PKP2: variants seen among roughly 807,000 people sequenced by gnomAD.
The protein encoded by PKP2 is plakophilin 2.
A neutral mutation model predicts 83.4 loss-of-function variants in PKP2; 73 were observed. The observed-to-expected ratio is 0.88, with a 90% CI of 0.72 to 1.06. The LOEUF is 1.06. Ranked by LOEUF, PKP2 falls within the 50% of genes least tolerant of loss-of-function variation. The probability of loss-of-function intolerance (pLI) is 0.00; values close to 1 mark genes in which losing one functional copy is unlikely to be tolerated. For synonymous variants in PKP2, 409 were observed against 430.4 expected, an observed-to-expected ratio of 0.95 and a Z score of 0.62; for missense variants, 966 against 1,065.4, an observed-to-expected ratio of 0.91 and a Z score of 1.30.
intron 11 of PKP2, among the ~76,000 whole-genome samples, chr12:32,793,949 C>A (rs1187853724): frequency 1.3e-5 from 2 of 152,116 alleles, no homozygotes; most frequent in Non-Finnish European, 2.9e-5. Flanking sequence ...TAGATCAGTG[C>A]CGCCTTAGAT....
At chr12:32,824,513 A>G (rs1956414986) in intron 6 of PKP2, 1 of 279,990 alleles carries the variant, frequency 3.6e-6, no homozygotes, top group South Asian at 3.9e-5. Context: ...ACATTATAAT[A>G]TACTGGATGC....
intron 9 of PKP2, among the ~76,000 whole-genome samples, chr12:32,818,799 A>G (rs1956344401): frequency 6.6e-6 from 1 of 152,168 alleles, no homozygotes; most frequent in Admixed American, 6.5e-5. Flanking sequence ...CACATGGCCA[A>G]TGGACTTGAT....
chr12:32,790,854 T>A lies in PKP2; in HGVS notation c.*1570A>T, dbSNP rs961022087. The A allele has an allele frequency of 6.6e-6, 1 of 152,184 alleles. No individual in the cohort carries two copies. The highest frequency in any genetic ancestry group is 2.4e-5 in the African/African-American group (1 of 41,450). 9.4% of individuals were successfully genotyped at this position (152,184 alleles called of 1,614,324 possible). On this transcript the variant is annotated 3_prime_UTR_variant, in exon 13 of 13. Coordinates refer to ENST00000340811, the MANE Select transcript of PKP2 (RefSeq NM_001005242.3). Reference sequence around the variant, plus strand: ...TCTGGAGGAATAAATGCACTCCAAATGCTTATCATCAGAACTCTGGAAAAA... The same window carrying A: ...TCTGGAGGAATAAATGCACTCCAAAAGCTTATCATCAGAACTCTGGAAAAA...
chr12:32,867,251 C>T (rs1026759743), intron 4 of PKP2, among the ~76,000 whole-genome samples: 2 of 152,120 alleles, frequency 1.3e-5, no homozygotes, highest in South Asian at 4.1e-4. Context: ...TTGCTTGAGC[C>T]CAGAAAGTTG....
intron 4 of PKP2, among the ~76,000 whole-genome samples, chr12:32,866,917 G>A (rs1592757907): frequency 1.3e-5 from 2 of 152,124 alleles, no homozygotes; most frequent in African/African-American, 2.4e-5. Context: ...TGATTAACAC[G>A]AAATGGGTGA....
intron 6 of PKP2, among the ~76,000 whole-genome samples, chr12:32,838,070 A>G (rs562671644): frequency 1.3e-5 from 2 of 152,220 alleles, no homozygotes; most frequent in Non-Finnish European, 2.9e-5. Flanking sequence ...TAACAAAGAC[A>G]TGGCTAGGTT....
intron 6 of PKP2, 130 bp from the exon 7 acceptor site, chr12:32,824,292 T>G: frequency 2.8e-6 from 2 of 726,084 alleles, no homozygotes; most frequent in Middle Eastern, 2.3e-4. Context: ...TGTGGCAGAC[T>G]TGCCCAGTCA....
chr12:32,821,896 T>A (rs1195576704), intron 8 of PKP2: 2 of 292,742 alleles, frequency 6.8e-6, no homozygotes, highest in African/African-American at 4.4e-5. Flanking sequence ...CAGAGTCTTG[T>A]GAAAGTGTCC....
chr12:32,851,714 C>G (rs112915452), intron 4 of PKP2, among the ~76,000 whole-genome samples: 1 of 152,030 alleles, frequency 6.6e-6, no homozygotes, highest in Admixed American at 6.5e-5. Context: ...GTGATCCACC[C>G]GCCTCGGCCT....
At chr12:32,845,354 A>G (rs1322543168) in intron 5 of PKP2, among the ~76,000 whole-genome samples, 1 of 152,152 alleles carries the variant, frequency 6.6e-6, no homozygotes, top group Non-Finnish European at 1.5e-5. Context: ...GATTGAGACC[A>G]TCCTGGCTAA....
At chr12:32,863,369 G>T in intron 4 of PKP2, 1 of 259,460 alleles carries the variant, frequency 3.9e-6, no homozygotes, top group Non-Finnish European at 8.2e-6. Flanking sequence ...GCCAAATTCC[G>T]AAGCAATCTT....
At chr12:32,893,267 A>AT (rs1236126032) in intron 1 of PKP2, 7 of 152,198 alleles carry the variant, frequency 4.6e-5, no homozygotes, top group Non-Finnish European at 1.0e-4. Flanking sequence ...CCTGGAGCTA[A>AT]TAGCAGTTAA....
chr12:32,814,621 A>T (rs902144836), intron 9 of PKP2, among the ~76,000 whole-genome samples: 1 of 152,074 alleles, frequency 6.6e-6, no homozygotes, highest in Non-Finnish European at 1.5e-5. Context: ...ATGAACCATC[A>T]CATTAAATAT....
At chr12:32,894,525 G>A (rs1371841758) in intron 1 of PKP2, 2 of 152,196 alleles carry the variant, frequency 1.3e-5, no homozygotes, top group African/African-American at 4.8e-5. Flanking sequence ...CTTCATATGT[G>A]AGATGGATTC....
chr12:32,827,924 G>A (rs1377840494), intron 6 of PKP2, among the ~76,000 whole-genome samples: 1 of 152,192 alleles, frequency 6.6e-6, no homozygotes, highest in Non-Finnish European at 1.5e-5. Flanking sequence ...AACTAAAACT[G>A]CATACTGTTA....
intron 10 of PKP2, among the ~76,000 whole-genome samples, chr12:32,800,796 C>T (rs2137721493): frequency 6.6e-6 from 1 of 152,308 alleles, no homozygotes; most frequent in East Asian, 1.9e-4. Flanking sequence ...CTGTGAGATA[C>T]AAACCCATGT....
intron 9 of PKP2, among the ~76,000 whole-genome samples, chr12:32,806,397 T>A (rs118167088): frequency 2.0e-5 from 3 of 152,302 alleles, no homozygotes; most frequent in East Asian, 3.9e-4. Context: ...TAGAACTCAT[T>A]ATTGGTCTAC....
At chr12:32,822,031 C>T (rs528971450) in intron 8 of PKP2, among the ~76,000 whole-genome samples, 285 of 152,288 alleles carry the variant, frequency 1.9e-3, no homozygotes, top group Non-Finnish European at 3.1e-3. Flanking sequence ...GTATTCCTTC[C>T]TATGAGGTTT....
intron 5 of PKP2, among the ~76,000 whole-genome samples, chr12:32,849,581 G>T (rs1956679196): frequency 6.6e-6 from 1 of 152,186 alleles, no homozygotes; most frequent in South Asian, 2.1e-4. Context: ...TGATGGCAGG[G>T]AGAGTGCTTA....
Sources: gnomAD v4.1 joint callset for allele counts (sites outside exome capture counted in the v4.1 genomes callset) on GRCh38, gnomAD v4.1.1 for gene constraint, MANE v1.5 for transcripts, NCBI Gene and HGNC (gene_info 2026-07-23, HGNC 2026-07-21) for gene names.